MED16: variants seen among roughly 807,000 people sequenced by gnomAD.
MED16 encodes the protein mediator complex subunit 16.
Under a neutral mutation model 84.4 loss-of-function variants are expected in MED16, and 81 were observed. The ratio of observed to expected loss-of-function variants is 0.96; its 90% confidence interval spans 0.80 to 1.15. The LOEUF is 1.15. Ranked by LOEUF, MED16 falls within the 50% of genes most tolerant of loss-of-function variation. The pLI is 0.00. For missense variants in MED16, 1,585 were observed against 1,245.9 expected (o/e 1.27, Z -4.10); for synonymous variants, 897 against 552.2 (o/e 1.62, Z -8.76).
chr19:871,681 T>A (rs758949287), intron 12 of MED16: 1 of 1,531,728 alleles, frequency 6.5e-7, no homozygotes, highest in South Asian at 1.1e-5. Context: ...ATAGCAGATA[T>A]CAAGGCAGAG....
chr19:880,594 G>C (rs568543917), intron 7 of MED16, among the ~76,000 whole-genome samples: 1 of 152,186 alleles, frequency 6.6e-6, no homozygotes, highest in Non-Finnish European at 1.5e-5. Context: ...AAAGCTCATG[G>C]AAAAGAGAAT....
At chr19:890,018 A>G (rs930616750) in intron 3 of MED16, 119 bp downstream of exon 3, 1 of 851,954 alleles carries the variant, frequency 1.2e-6, no homozygotes, top group African/African-American at 1.7e-5. Context: ...GCAGGTGCAA[A>G]GCTGCAGACC....
At chr19:889,555 G>C (rs1340153948) in intron 4 of MED16, 83 bp downstream of exon 4, 5 of 1,501,346 alleles carry the variant, frequency 3.3e-6, no homozygotes, top group Non-Finnish European at 4.5e-6. Flanking sequence ...GGATGCTGGT[G>C]ATGGAGAGGA....
intron 10 of MED16, among the ~76,000 whole-genome samples, chr19:873,820 G>A (rs1041609176): frequency 1.3e-5 from 2 of 152,098 alleles, no homozygotes; most frequent in Admixed American, 6.5e-5. Context: ...CTCTCGGCCT[G>A]CAGGCCTTGG....
chr19:890,268 C>A, intron 2 of MED16, 24 bp from the exon 3 acceptor site: 1 of 1,448,624 alleles, frequency 6.9e-7, no homozygotes, highest in Non-Finnish European at 9.3e-7. Flanking sequence ...GCATGGTCAG[C>A]ACGGCCTGGC....
At position 879,963 on chromosome 19, in the gene MED16, G is replaced by A; in HGVS notation, c.1327C>T (p.Leu443=). The A allele has an allele frequency of 6.2e-7, 1 of 1,605,258 alleles. No individual in the cohort carries two copies. Among genetic ancestry groups the A allele is most frequent in the South Asian group, 1.1e-5 (1 of 90,076 alleles). Residue 443 remains leucine, a synonymous_variant, in exon 8 of 16, where the codon CTG becomes TTG. Coordinates refer to ENST00000325464, the MANE Select transcript of MED16 (RefSeq NM_005481.3). ...AMQLSWTSLA[L]VGIDSHGKLS... is the part of the protein sequence containing the mutation. ...TTCCCGTGGCTGTCAATCCCCACCA[G>A]GGCCAGTGACGTCCACGATAGCTGC... is the stretch of plus-strand genomic sequence containing the variant.
chr19:871,812 G>A (rs1356768368), intron 12 of MED16, 114 bp downstream of exon 12: 2 of 63,252 alleles, frequency 3.2e-5, no homozygotes, highest in Non-Finnish European at 6.3e-5. Context: ...AGAGCGGGGA[G>A]AGGGGAGAGC....
intron 11 of MED16, 27 bp from the exon 12 acceptor site, chr19:872,145 T>C (rs748459760): frequency 2.7e-6 from 4 of 1,489,946 alleles, no homozygotes; most frequent in Non-Finnish European, 3.6e-6. Flanking sequence ...TCGGTGTGGC[T>C]GGGGCGGCGG....
At chr19:873,320 C>G in intron 11 of MED16, 129 bp downstream of exon 11, 2 of 666,180 alleles carry the variant, frequency 3.0e-6, no homozygotes, top group African/African-American at 3.4e-5. Context: ...GGCGGGACTC[C>G]AAGTAGGGGC....
At chr19:880,434 G>A (rs575662410) in intron 7 of MED16, among the ~76,000 whole-genome samples, 25 of 152,324 alleles carry the variant, frequency 1.6e-4, no homozygotes, top group African/African-American at 4.1e-4. Flanking sequence ...CTCAAGGAGC[G>A]CAGGGGAGGG....
At chr19:888,366 T>G (rs1346410545) in intron 4 of MED16, among the ~76,000 whole-genome samples, 1 of 149,948 alleles carries the variant, frequency 6.7e-6, no homozygotes, top group African/African-American at 2.5e-5. Context: ...TACTAAAAAA[T>G]TACAAAAATT....
chr19:882,341 T>C (rs1277959202), intron 6 of MED16, among the ~76,000 whole-genome samples: 1 of 151,836 alleles, frequency 6.6e-6, no homozygotes, highest in Non-Finnish European at 1.5e-5. Flanking sequence ...GACCCCATTC[T>C]CTACAAAAAA....
chr19:888,583 C>T (rs751983882), intron 4 of MED16, among the ~76,000 whole-genome samples: 8 of 150,908 alleles, frequency 5.3e-5, no homozygotes, highest in Non-Finnish European at 8.8e-5. Flanking sequence ...GGCCGCACAA[C>T]ATGGCGAGTG....
At chr19:884,498 G>T (rs1005887130) in intron 6 of MED16, among the ~76,000 whole-genome samples, 4 of 152,108 alleles carry the variant, frequency 2.6e-5, no homozygotes, top group African/African-American at 7.2e-5. Context: ...ACCAGGTTCC[G>T]GAGGATTCCG....
At chr19:869,099 G>A (rs1358890794) in intron 13 of MED16, among the ~76,000 whole-genome samples, 153 bp from the exon 14 acceptor site, 1 of 152,166 alleles carries the variant, frequency 6.6e-6, no homozygotes, top group East Asian at 1.9e-4. Context: ...GAGGTGGGAG[G>A]TGCGGGACCA....
rs892131035 is a variant in MED16 at position 889,947 on chromosome 19, A to T, written c.278-140T>A. 8.8e-6 allele frequency: 9 copies of T among 1,025,748 alleles called. No individual in the cohort carries two copies. In the Admixed American group the frequency reaches 2.0e-4, roughly 22 times the overall value. 63.5% of individuals were successfully genotyped at this position (1,025,748 alleles called of 1,614,324 possible). On this transcript the variant is annotated intron_variant, in intron 3 of 15. Coordinates refer to ENST00000325464, the MANE Select transcript of MED16 (RefSeq NM_005481.3). ...GGGCACAGCAGGTGGCACAAGGCGCACTCCAGAGATGCCCTGAGACACCCT... is the reference window on the plus strand; with the variant it reads ...GGGCACAGCAGGTGGCACAAGGCGCTCTCCAGAGATGCCCTGAGACACCCT...
intron 10 of MED16, 37 bp from the exon 11 acceptor site, chr19:873,619 T>C (rs771359081): frequency 1.2e-6 from 2 of 1,608,550 alleles, no homozygotes; most frequent in Non-Finnish European, 1.7e-6. Flanking sequence ...CTCGGGCCTC[T>C]TGTACACACA....
intron 3 of MED16, 75 bp from the exon 4 acceptor site, chr19:889,882 T>G: frequency 2.0e-6 from 3 of 1,493,858 alleles, no homozygotes; most frequent in Non-Finnish European, 2.7e-6. Flanking sequence ...GCACAGCGCC[T>G]GGGGGAAGCC....
chr19:872,226 C>T, intron 11 of MED16, 108 bp from the exon 12 acceptor site: 1 of 911,486 alleles, frequency 1.1e-6, no homozygotes, highest in Non-Finnish European at 1.6e-6. Context: ...TGGGCAGGGT[C>T]TGGGACATTT....
Sources: gnomAD v4.1 joint callset for allele counts (sites outside exome capture counted in the v4.1 genomes callset) on GRCh38, gnomAD v4.1.1 for gene constraint, MANE v1.5 for transcripts, NCBI Gene and HGNC (gene_info 2026-07-23, HGNC 2026-07-21) for gene names.